The following TMEM132D variants were observed in gnomAD, a reference collection of about 807,000 sequenced individuals.
The protein encoded by TMEM132D is mature OL transmembrane protein.
TMEM132D carries 21 observed loss-of-function variants against 62.3 expected under a neutral mutation model. The ratio of observed to expected loss-of-function variants is 0.34; its 90% CI spans 0.24 to 0.49. The LOEUF is 0.49. Among genes scored for constraint, TMEM132D ranks in the 20% least tolerant of loss-of-function variants. The pLI, the probability that TMEM132D is intolerant of heterozygous loss-of-function variation, is 0.99. For synonymous variants in TMEM132D, 621 were observed against 575.6 expected (o/e 1.08, Z -1.13); for missense variants, 1,346 against 1,402.8 (o/e 0.96, Z 0.65).
At chr12:129,199,740 C>G (rs551362182) in intron 5 of TMEM132D, among the ~76,000 whole-genome samples, 5 of 152,232 alleles carry the variant, frequency 3.3e-5, no homozygotes, top group Admixed American at 2.0e-4. Flanking sequence ...AGCAAGAGAG[C>G]TTGTGCAGGG....
At chr12:129,554,099 C>G (rs1437227545) in intron 2 of TMEM132D, among the ~76,000 whole-genome samples, 1 of 152,156 alleles carries the variant, frequency 6.6e-6, no homozygotes, top group Non-Finnish European at 1.5e-5. Context: ...CCATACTCCC[C>G]CCTGTGTGAT....
At chr12:129,517,455 G>A (rs1566095309) in intron 3 of TMEM132D, among the ~76,000 whole-genome samples, 1 of 152,118 alleles carries the variant, frequency 6.6e-6, no homozygotes, top group South Asian at 2.1e-4. Flanking sequence ...AGGGTCTGAG[G>A]CGTGTCTACA....
At chr12:129,092,810 C>T (rs943506382) in intron 5 of TMEM132D, among the ~76,000 whole-genome samples, 1 of 152,164 alleles carries the variant, frequency 6.6e-6, no homozygotes, top group Non-Finnish European at 1.5e-5. Context: ...TCCACTTAAT[C>T]CTCACAACAT....
intron 2 of TMEM132D, among the ~76,000 whole-genome samples, chr12:129,639,554 C>G (rs893584205): frequency 1.3e-5 from 2 of 151,882 alleles, no homozygotes; most frequent in East Asian, 1.9e-4. Context: ...CCCCAGTGGC[C>G]CAGAACACGG....
At chr12:129,510,275 C>G (rs1875460231) in intron 3 of TMEM132D, among the ~76,000 whole-genome samples, 1 of 152,124 alleles carries the variant, frequency 6.6e-6, no homozygotes, top group South Asian at 2.1e-4. Context: ...TGAGAAATGT[C>G]TATTCAGGTC....
intron 3 of TMEM132D, among the ~76,000 whole-genome samples, chr12:129,498,866 A>G (rs1408687058): frequency 2.0e-5 from 3 of 152,176 alleles, no homozygotes; most frequent in Non-Finnish European, 2.9e-5. Context: ...CACTCCAAAA[A>G]CAACTAAAAT....
At chr12:129,260,244 T>C (rs891583968) in intron 4 of TMEM132D, among the ~76,000 whole-genome samples, 2 of 152,128 alleles carry the variant, frequency 1.3e-5, no homozygotes, top group Non-Finnish European at 2.9e-5. Flanking sequence ...GAACATAGTA[T>C]GTCTGACAGA....
In TMEM132D at chr12:129,393,624, A is replaced by G. The variant is rs567734804; in HGVS notation, c.1116-55807T>C. On this transcript the variant is annotated intron_variant, in intron 3 of 8. Coordinates refer to ENST00000422113, the MANE Select transcript of TMEM132D (RefSeq NM_133448.3). ...TCAGAAACTTGGCTCAATAAGAACC[A>G]CTCTCTTTCACCTCCCCTAAGAAAC... 2.0e-5 allele frequency among the ~76,000 whole-genome samples: 3 copies of G among 152,114 alleles called. No homozygotes were observed. The East Asian group carries it at 5.8e-4, about 29-fold the overall frequency.
chr12:129,433,489 G>A (rs527343483), intron 3 of TMEM132D, among the ~76,000 whole-genome samples: 60 of 151,980 alleles, frequency 3.9e-4, no homozygotes, highest in South Asian at 1.7e-3. Context: ...AGCATTTCTC[G>A]TTGATCCTCC....
chr12:129,623,889 C>A (rs265627), intron 2 of TMEM132D, among the ~76,000 whole-genome samples: 2,787 of 152,044 alleles, frequency 0.018, 97 homozygotes, highest in African/African-American at 0.064. Flanking sequence ...ATGCCAGTGT[C>A]TTTATTATAT....
At chr12:129,798,209 T>C (rs1310666926) in intron 1 of TMEM132D, among the ~76,000 whole-genome samples, 1 of 152,164 alleles carries the variant, frequency 6.6e-6, no homozygotes, top group African/African-American at 2.4e-5. Context: ...CGTGAGCCAA[T>C]TAAACCTCTT....
intron 1 of TMEM132D, among the ~76,000 whole-genome samples, chr12:129,792,069 G>A (rs754298730): frequency 3.5e-4 from 54 of 152,194 alleles, no homozygotes; most frequent in Non-Finnish European, 6.3e-4. Context: ...GGCCATTCAC[G>A]TTCCAAAGCA....
At chr12:129,365,723 AC>A (rs1271049466) in intron 3 of TMEM132D, among the ~76,000 whole-genome samples, 1 of 152,132 alleles carries the variant, frequency 6.6e-6, no homozygotes, top group Non-Finnish European at 1.5e-5. Context: ...TTTCTACCTT[AC>A]CTCAATGTGT....
chr12:129,394,333 A>C (rs2135696179), intron 3 of TMEM132D, among the ~76,000 whole-genome samples: 1 of 152,338 alleles, frequency 6.6e-6, no homozygotes, highest in South Asian at 2.1e-4. Context: ...ACATGAAGGG[A>C]GCCCGTGAGG....
At chr12:129,356,690 AAAT>A (rs1870066189) in intron 3 of TMEM132D, among the ~76,000 whole-genome samples, 1 of 148,888 alleles carries the variant, frequency 6.7e-6, no homozygotes, top group South Asian at 2.1e-4. Context: ...ATAAATAAAT[AAAT>A]AAATAAAATA....
chr12:129,490,841 C>T (rs1472751832), intron 3 of TMEM132D, among the ~76,000 whole-genome samples: 1 of 151,866 alleles, frequency 6.6e-6, no homozygotes, highest in Non-Finnish European at 1.5e-5. Flanking sequence ...TCGGCGACCC[C>T]GTTAGTCTGT....
intron 1 of TMEM132D, among the ~76,000 whole-genome samples, chr12:129,770,604 G>A (rs1870711603): frequency 6.6e-6 from 1 of 152,158 alleles, no homozygotes; most frequent in Non-Finnish European, 1.5e-5. Context: ...GCTACCTCCT[G>A]TTACACCCAT....
intron 3 of TMEM132D, among the ~76,000 whole-genome samples, chr12:129,341,463 C>T (rs1869482210): frequency 6.6e-6 from 1 of 152,178 alleles, no homozygotes; most frequent in African/African-American, 2.4e-5. Context: ...CTGATTGTTC[C>T]TGAGTGGAGC....
intron 4 of TMEM132D, chr12:129,212,114 T>C (rs1209426687): frequency 6.6e-6 from 1 of 152,226 alleles, no homozygotes; most frequent in Non-Finnish European, 1.5e-5. Flanking sequence ...AAACAGTTTC[T>C]CACATTCGTG....
Sources: allele counts gnomAD v4.1 joint callset (sites outside exome capture counted in the v4.1 genomes callset), GRCh38; gene constraint gnomAD v4.1.1; transcripts MANE v1.5; gene names NCBI Gene and HGNC (gene_info 2026-07-23, HGNC 2026-07-21).